Variants in PTPRB observed in about 807,000 individuals in gnomAD.
The protein encoded by PTPRB is protein tyrosine phosphatase receptor type B.
PTPRB carries 97 observed loss-of-function variants against 238.1 expected under a neutral mutation model. The ratio of observed to expected loss-of-function variants is 0.41; its 90% confidence interval spans 0.35 to 0.48. The LOEUF is 0.48. Ranked by LOEUF, PTPRB falls within the 20% of genes least tolerant of loss-of-function variation. The pLI is 0.30. For missense variants in PTPRB, 2,292 were observed against 2,681.9 expected (o/e 0.85, Z 3.21); for synonymous variants, 970 against 995.4 (o/e 0.97, Z 0.48).
chr12:70,609,113 C>T lies in PTPRB; in HGVS notation c.935G>A (p.Arg312Lys), dbSNP rs2252784. ...DLQAGTIYNF[R>K]IISLDEERTV... ...TCTCTCTTCATCCAGAGAAATAATC[C>T]TGAAGTTATAGATGGTTCCTGCTTG... The change falls in exon 4 of 34, where the codon AGG becomes AAG. Residue 312 changes from arginine to lysine, a missense_variant. Around this residue, in one of 4 missense-constraint regions of PTPRB, gnomAD observed 1,205 missense variants for 1,287.8 expected, o/e 0.94. Coordinates refer to ENST00000334414, the MANE Select transcript of PTPRB (RefSeq NM_001109754.4). 701,207 of 1,612,824 alleles carry T rather than the reference C, an allele frequency of 0.43. 158,993 individuals carry two copies. Among genetic ancestry groups the T allele is most frequent in the African/African-American group, 0.72 (53,635 of 74,952 alleles).
intron 3 of PTPRB, among the ~76,000 whole-genome samples, chr12:70,614,872 T>C (rs1592594836): frequency 6.6e-6 from 1 of 152,288 alleles, no homozygotes; most frequent in Admixed American, 6.5e-5. Flanking sequence ...AAATGTTACT[T>C]TGATAAGTAG....
chr12:70,543,342 T>A (rs1391649926), intron 22 of PTPRB, among the ~76,000 whole-genome samples: 1 of 152,238 alleles, frequency 6.6e-6, no homozygotes, highest in Non-Finnish European at 1.5e-5. Context: ...AACACAATCA[T>A]CTTTCCTTGA....
intron 2 of PTPRB, among the ~76,000 whole-genome samples, chr12:70,631,775 G>A (rs1215476967): frequency 6.6e-6 from 1 of 152,188 alleles, no homozygotes; most frequent in Non-Finnish European, 1.5e-5. Context: ...CAAAGGATAT[G>A]AACAGACACT....
Position 70,591,904 on chromosome 12 carries a change from G to A in PTPRB, c.1780+378C>T, listed in dbSNP as rs745659418. The A allele has an allele frequency of 1.2e-3, 262 of 214,640 alleles. 2 individuals carry two copies. The highest frequency in any genetic ancestry group is 1.0e-3 in the Non-Finnish European group (107 of 106,814). The allele number at this position is 214,640 out of a possible 1,614,324, so 13.3% of individuals were successfully genotyped here. ...ATAGTACAGTAATTTACATATATAA[G>A]GCACTGGATAGATAAGTGAGGACAT... On this transcript the variant is annotated intron_variant, in intron 7 of 33. Coordinates refer to ENST00000334414, the MANE Select transcript of PTPRB (RefSeq NM_001109754.4).
Position 70,635,845 on chromosome 12 carries a change from A to G in PTPRB, c.277T>C (p.Trp93Arg). The G allele has an allele frequency of 3.1e-6, 5 of 1,613,604 alleles. No homozygotes were observed. Among genetic ancestry groups the G allele is most frequent in the Non-Finnish European group, 4.2e-6 (5 of 1,179,776 alleles). ...AAGCCTTCCTGATCATAGCAGGTCC[A>G]TCGGGGTGCCTGGGAACAGCGGTCC... ...ILDRCSQAPR[W>R]TCYDQEGFLE... The change falls in exon 2 of 34, where the codon TGG (tryptophan) becomes CGG (arginine). Residue 93 changes from tryptophan (W) to arginine (R), a missense_variant. Trp to Arg is a moderately radical substitution (Grantham distance 101, BLOSUM62 -3). Coordinates refer to ENST00000334414, the MANE Select transcript of PTPRB (RefSeq NM_001109754.4).
chr12:70,529,546 T>G (rs1872865161), intron 32 of PTPRB, among the ~76,000 whole-genome samples: 1 of 152,134 alleles, frequency 6.6e-6, no homozygotes, highest in Admixed American at 6.5e-5. Context: ...ATTTAAAAGA[T>G]TAAAAAATAT....
chr12:70,571,752 TCA>T, intron 12 of PTPRB, 70 bp downstream of exon 12: 1 of 1,510,450 alleles, frequency 6.6e-7, no homozygotes, highest in Non-Finnish European at 8.9e-7. Flanking sequence ...CAGAAAAAAT[TCA>T]AGGTTCAGAT....
At chr12:70,544,230 TTTAAC>T (rs1565922151) in intron 22 of PTPRB, among the ~76,000 whole-genome samples, 2 of 152,218 alleles carry the variant, frequency 1.3e-5, no homozygotes, top group Admixed American at 6.5e-5. Flanking sequence ...CATTCTCACT[TTTAAC>T]TGAAAGTGTT....
chr12:70,579,695 CAAAAAAAAA>C (rs35887706), intron 10 of PTPRB, among the ~76,000 whole-genome samples: 3 of 91,016 alleles, frequency 3.3e-5, no homozygotes, highest in Non-Finnish European at 6.6e-5. Flanking sequence ...GACTCCATCT[CAAAAAAAAA>C]AAAAAAAAAA....
At chr12:70,552,653 G>T in intron 21 of PTPRB, 124 bp downstream of exon 21, 2 of 1,260,720 alleles carry the variant, frequency 1.6e-6, no homozygotes, top group Non-Finnish European at 2.2e-6. Context: ...CCAGTAAAAT[G>T]CACAGTACTC....
At chr12:70,574,134 T>C (rs568963258) in intron 11 of PTPRB, among the ~76,000 whole-genome samples, 1 of 152,334 alleles carries the variant, frequency 6.6e-6, no homozygotes, top group African/African-American at 2.4e-5. Context: ...GCATGTCCTC[T>C]GTATTTGGTA....
rs767015316 is a variant in PTPRB, at chr12:70,581,097, C to T, written c.2517G>A (p.Val839=). The T allele has an allele frequency of 1.1e-5, 17 of 1,613,902 alleles. No individual in the cohort carries two copies. The highest frequency in any genetic ancestry group is 1.4e-5 in the Non-Finnish European group (17 of 1,179,900). The change falls in exon 10 of 34, where the codon GTG becomes GTA. Residue 839 remains valine, a synonymous_variant. Coordinates refer to ENST00000334414, the MANE Select transcript of PTPRB (RefSeq NM_001109754.4). The part of the protein sequence containing the change: ...HSLKSGSLYS[V]VVTTVSGGIS... Reference sequence around the variant, plus strand: ...TCCCTCCACTCACTGTTGTTACCACCACGGAGTACAGGCTGCCGGACTTGA... The same window carrying T: ...TCCCTCCACTCACTGTTGTTACCACTACGGAGTACAGGCTGCCGGACTTGA...
chr12:70,541,593 C>G (rs975155692), intron 22 of PTPRB: 1 of 152,178 alleles, frequency 6.6e-6, no homozygotes, highest in Admixed American at 6.6e-5. Flanking sequence ...CAAAAGAAAC[C>G]GCGTACCTAT....
rs563497573 is a variant in PTPRB at position 70,561,902 on chromosome 12, C to T, written c.4168+942G>A. 1.2e-4 allele frequency among the ~76,000 whole-genome samples: 18 copies of T among 152,280 alleles called. 1 individual carries two copies. The highest frequency in any genetic ancestry group is 7.8e-4 in the Admixed American group (12 of 15,296). ...CAGGGCCCTTGACTGTCTTGTTCAC[C>T]GTCACATTACAGCAGTGGGCCATGT... is the stretch of plus-strand genomic sequence containing the variant. On this transcript the variant is annotated intron_variant, in intron 16 of 33. Transcript: ENST00000334414.
At chr12:70,534,354 TGG>T (rs2136231522) in intron 31 of PTPRB, 132 bp downstream of exon 31, 1 of 961,858 alleles carries the variant, frequency 1.0e-6, no homozygotes, top group African/African-American at 1.6e-5. Flanking sequence ...TAAAACCCTC[TGG>T]GGGCGAGGCA....
At position 70,599,612 on chromosome 12, in the gene PTPRB, A is replaced by T. The variant is rs533078436; in HGVS notation, c.980-3285T>A. On this transcript the variant is annotated intron_variant, in intron 4 of 33. Coordinates refer to ENST00000334414, the MANE Select transcript of PTPRB (RefSeq NM_001109754.4). ...ACCTGAAATATGGAATGACAAATGC[A>T]TAGTCAAAATGAATAACAACAGTAA... Among the ~76,000 whole-genome samples the T allele has an allele frequency of 4.6e-5, 7 of 152,350 alleles. No individual in the cohort carries two copies. In the East Asian group the frequency reaches 1.3e-3, roughly 29 times the overall value.
chr12:70,566,622 A>T lies in PTPRB; in HGVS notation c.3717T>A (p.Gly1239=). Residue 1239 remains glycine, a synonymous_variant, in exon 15 of 34, where the codon GGT becomes GGA. Coordinates refer to ENST00000334414, the MANE Select transcript of PTPRB (RefSeq NM_001109754.4). The part of the protein sequence containing the change: ...SLIVSWQKAA[G]VAERYDILLL... ...GCAGGATATCATATCTTTCTGCCAC[A>T]CCAGCAGCTTTTTGCCAACTTACTA... is the stretch of plus-strand genomic sequence containing the variant. 3 of 1,614,020 alleles carry T rather than the reference A, an allele frequency of 1.9e-6. No individual in the cohort carries two copies.
intron 31 of PTPRB, among the ~76,000 whole-genome samples, chr12:70,532,373 G>C (rs1327445662): frequency 1.7e-5 from 2 of 114,750 alleles, no homozygotes; most frequent in African/African-American, 3.5e-5. Flanking sequence ...CTCCCTTCCT[G>C]TCCCTCCTCC....
intron 4 of PTPRB, among the ~76,000 whole-genome samples, chr12:70,607,073 T>C (rs1418348040): frequency 6.6e-6 from 1 of 152,238 alleles, no homozygotes; most frequent in Non-Finnish European, 1.5e-5. Flanking sequence ...AAAATGCAAG[T>C]ATTTCTTACA....
Sources: gnomAD v4.1 joint callset for allele counts (sites outside exome capture counted in the v4.1 genomes callset) on GRCh38, gnomAD v4.1.1 for gene constraint, gnomAD v4.1.1 regional missense constraint, MANE v1.5 for transcripts, NCBI Gene and HGNC (gene_info 2026-07-23, HGNC 2026-07-21) for gene names.